INTS9: variants seen among roughly 807,000 people sequenced by gnomAD.
INTS9 encodes integrator complex subunit 9.
A neutral mutation model predicts 79.7 loss-of-function variants in INTS9; 55 were observed. That is an observed-to-expected ratio of 0.69 (90% CI 0.56 to 0.86). The LOEUF is 0.86. Ranked by LOEUF, INTS9 falls within the 40% of genes least tolerant of loss-of-function variation. The pLI is 0.00. For synonymous variants in INTS9, 319 were observed against 325.2 expected (o/e 0.98, Z 0.20); for missense variants, 721 against 831.5 (o/e 0.87, Z 1.64).
chr8:28,870,716 T>C (rs1271600494), intron 1 of INTS9, among the ~76,000 whole-genome samples: 4 of 151,480 alleles, frequency 2.6e-5, no homozygotes. Flanking sequence ...TACTAGGGAG[T>C]TGCTGGTCAC....
chr8:28,859,268 A>G (rs1808328100), intron 2 of INTS9, among the ~76,000 whole-genome samples, 168 bp downstream of exon 2: 1 of 152,252 alleles, frequency 6.6e-6, no homozygotes, highest in South Asian at 2.1e-4. Context: ...AAATCAATAG[A>G]ACACTTTCCA....
chr8:28,787,803 A>C, intron 11 of INTS9, 26 bp downstream of exon 11: 5 of 1,559,164 alleles, frequency 3.2e-6, no homozygotes, highest in Non-Finnish European at 4.4e-6. Context: ...CTTCCTTCCC[A>C]TGTCCCAGTG....
chr8:28,781,909 C>T (rs1361268803), intron 11 of INTS9, among the ~76,000 whole-genome samples: 2 of 152,188 alleles, frequency 1.3e-5, no homozygotes, highest in Admixed American at 1.3e-4. Context: ...CAAGGGAACC[C>T]CTACTGTAAA....
intron 6 of INTS9, among the ~76,000 whole-genome samples, chr8:28,819,593 T>C (rs1425531313): frequency 1.3e-5 from 2 of 152,238 alleles, no homozygotes; most frequent in Admixed American, 6.5e-5. Context: ...AATTTTCGAA[T>C]AGGTGTGGTG....
rs1802489707 is a variant in INTS9 at position 28,770,878 on chromosome 8, TCAA to T, written c.1662+101_1662+103del. On this transcript the variant is annotated intron_variant, in intron 15 of 16. Transcript: ENST00000521022. ...GGCACATGGCCAGGGAAATAATTCTTCAACAAGAATTCACATGAAGCGCTATTT... is the reference window on the plus strand; with the variant it reads ...GGCACATGGCCAGGGAAATAATTCTTCAAGAATTCACATGAAGCGCTATTT... 4.1e-5 allele frequency: 34 copies of T among 839,130 alleles called. 1 individual carries two copies. The highest frequency in any genetic ancestry group is 3.5e-4 in the South Asian group (22 of 63,764). The allele number at this position is 839,130 out of a possible 1,614,324, so 52.0% of individuals were successfully genotyped here. A position where few individuals can be genotyped will look rare whatever the true frequency, so the allele number is the denominator to read the frequency against.
intron 1 of INTS9, among the ~76,000 whole-genome samples, chr8:28,872,618 C>T (rs1045223046): frequency 6.6e-6 from 1 of 152,004 alleles, no homozygotes; most frequent in Non-Finnish European, 1.5e-5. Context: ...CTTTCTTTGT[C>T]CCTTCCTCCT....
At chr8:28,808,958 T>A (rs1232159693) in intron 8 of INTS9, among the ~76,000 whole-genome samples, 1 of 152,056 alleles carries the variant, frequency 6.6e-6, no homozygotes, top group Non-Finnish European at 1.5e-5. Flanking sequence ...ATAACTTTTT[T>A]TTTTTTTTTG....
At chr8:28,802,912 C>A (rs1287347816) in intron 8 of INTS9, among the ~76,000 whole-genome samples, 2 of 150,584 alleles carry the variant, frequency 1.3e-5, no homozygotes, top group African/African-American at 2.5e-5. Flanking sequence ...GAGTTCAAGA[C>A]CACCCTGGGC....
intron 1 of INTS9, among the ~76,000 whole-genome samples, chr8:28,880,272 C>G (rs1047072428): frequency 2.1e-5 from 3 of 144,566 alleles, no homozygotes; most frequent in African/African-American, 5.2e-5. Flanking sequence ...CTCTCCCTCT[C>G]CCTCTCTCTC....
Position 28,787,904 on chromosome 8 carries a change from A to G in INTS9, c.1038-15T>C, listed in dbSNP as rs768842925. 6.3e-7 allele frequency: 1 copy of G among 1,582,698 alleles called. No individual in the cohort carries two copies. Among genetic ancestry groups the G allele is most frequent in the Non-Finnish European group, 8.7e-7 (1 of 1,155,116 alleles). On this transcript the variant is annotated splice_polypyrimidine_tract_variant and intron_variant, in intron 10 of 16. Transcript: ENST00000521022. ...TGTGACAAAGCCTATTAAAGAGGAA[A>G]AACACATCAGCATGTGAGGAAGAGC...
intron 8 of INTS9, among the ~76,000 whole-genome samples, chr8:28,799,156 C>T (rs532201054): frequency 2.0e-5 from 3 of 152,142 alleles, no homozygotes; most frequent in African/African-American, 4.8e-5. Flanking sequence ...ATTAGCTAGG[C>T]GTGCTGGCGG....
intron 1 of INTS9, among the ~76,000 whole-genome samples, chr8:28,884,261 G>A (rs1810060665): frequency 8.1e-6 from 1 of 123,954 alleles, no homozygotes; most frequent in Non-Finnish European, 1.6e-5. Context: ...TCAGCTCACT[G>A]TAACCTCAAA....
chr8:28,771,623 A>G (rs1254235050), intron 14 of INTS9, among the ~76,000 whole-genome samples: 1 of 152,266 alleles, frequency 6.6e-6, no homozygotes, highest in Non-Finnish European at 1.5e-5. Flanking sequence ...GCAGCTTAGG[A>G]TACTTAAGCA....
At chr8:28,854,036 A>AT (rs776036555) in intron 2 of INTS9, among the ~76,000 whole-genome samples, 46 of 151,952 alleles carry the variant, frequency 3.0e-4, no homozygotes, top group Non-Finnish European at 5.4e-4. Context: ...TTTCTTTTTT[A>AT]TTTTTATTAG....
chr8:28,813,603 A>C lies in INTS9; in HGVS notation c.498T>G (p.Pro166=), dbSNP rs1041592256. ...CTTCCACTGCATCCTTGAGAGGAGA[A>C]GGTAACAGCCTGCAAATGGATCACA... The part of the protein sequence containing the change: ...WKNKDIQRLL[P]SPLKDAVEVS... The change falls in exon 7 of 17, where the codon CCT becomes CCG. Residue 166 remains proline (P), a synonymous_variant. Coordinates refer to ENST00000521022, the MANE Select transcript of INTS9 (RefSeq NM_018250.4). 1 of 1,613,694 alleles carries C rather than the reference A, an allele frequency of 6.2e-7. No homozygotes were observed. Among genetic ancestry groups the C allele is most frequent in the African/African-American group, 1.3e-5 (1 of 74,894 alleles).
At chr8:28,840,358 T>C (rs1189309877) in intron 4 of INTS9, among the ~76,000 whole-genome samples, 2 of 147,666 alleles carry the variant, frequency 1.4e-5, no homozygotes, top group African/African-American at 5.0e-5. Flanking sequence ...TGTAAACTAG[T>C]TCAACCATTG....
intron 11 of INTS9, chr8:28,784,082 C>A (rs1251235885): frequency 6.6e-6 from 1 of 152,198 alleles, no homozygotes; most frequent in Non-Finnish European, 1.5e-5. Context: ...GAATTCTGAA[C>A]AGTAATTTGT....
At chr8:28,871,633 T>G (rs1442197806) in intron 1 of INTS9, among the ~76,000 whole-genome samples, 1 of 152,138 alleles carries the variant, frequency 6.6e-6, no homozygotes, top group Non-Finnish European at 1.5e-5. Flanking sequence ...CCTGAACTCC[T>G]GGGCTCAAGC....
At chr8:28,813,468 C>A (rs774601916) in intron 7 of INTS9, 24 bp downstream of exon 7, 4 of 1,606,828 alleles carry the variant, frequency 2.5e-6, no homozygotes, top group Non-Finnish European at 3.4e-6. Flanking sequence ...TCATGAATAA[C>A]TGAAATGTAA....
Sources: allele counts gnomAD v4.1 joint callset (sites outside exome capture counted in the v4.1 genomes callset), GRCh38; gene constraint gnomAD v4.1.1; transcripts MANE v1.5; gene names NCBI Gene and HGNC (gene_info 2026-07-23, HGNC 2026-07-21).